ADRA1A: variants seen among roughly 807,000 people sequenced by gnomAD.
The protein encoded by ADRA1A is alpha-1A adrenergic receptor.
ADRA1A carries 31 observed loss-of-function variants against 29.6 expected under a neutral mutation model. That is an observed-to-expected ratio of 1.05 (90% confidence interval 0.79 to 1.41). The LOEUF (loss-of-function observed/expected upper bound fraction) is 1.41. Ranked by LOEUF, ADRA1A falls within the 40% of genes most tolerant of loss-of-function variation. The probability of loss-of-function intolerance (pLI) is 0.00; values close to 1 mark genes in which losing one functional copy is unlikely to be tolerated. For missense variants in ADRA1A, 619 were observed against 601.1 expected, an observed-to-expected ratio of 1.03 and a Z score of -0.31; for synonymous variants, 311 against 254.3, an observed-to-expected ratio of 1.22 and a Z score of -2.12.
chr8:26,820,782 A>T (rs1387475288), intron 2 of ADRA1A, among the ~76,000 whole-genome samples: 17 of 152,196 alleles, frequency 1.1e-4, no homozygotes, highest in Admixed American at 9.2e-4. Context: ...AGTCACATTT[A>T]AAAAAATAGA....
At chr8:26,762,982 C>G (rs138294543), downstream of ADRA1A, among the ~76,000 whole-genome samples, 1 of 152,062 alleles carries the variant, frequency 6.6e-6, no homozygotes, top group East Asian at 1.9e-4. The surrounding 1 kb of genome is among the most constrained non-coding windows in gnomAD (Gnocchi z 4.0). Flanking sequence ...TAGGGGAGGG[C>G]TAAATATGCT....
chr8:26,864,134 C>A lies in ADRA1A; in HGVS notation c.836G>T (p.Gly279Val), dbSNP rs948494007. 1 of 1,614,004 alleles carries A rather than the reference C, an allele frequency of 6.2e-7. No homozygotes were observed. The highest frequency in any genetic ancestry group is 2.2e-5 in the East Asian group (1 of 44,878). ...AGGCAGCCAGCAGAGGACGAAGCAG[C>A]CGACCACGATGCCCAGCGTTTTGGC... ...KAAKTLGIVVGCFVLCWLPFF... is the reference protein window; with the variant it reads ...KAAKTLGIVVVCFVLCWLPFF... Residue 279 changes from glycine to valine, a missense_variant, in exon 2 of 3, where the codon GGC (glycine) becomes GTC (valine). By Grantham distance (109) the Gly-to-Val change is moderately radical (BLOSUM62 -3). Coordinates refer to ENST00000380573, the MANE Select transcript of ADRA1A (RefSeq NM_000680.4). The surrounding 1 kb of genome is among the most constrained non-coding windows in gnomAD (Gnocchi z 8.1).
chr8:26,771,000 T>TTTGCCTAACTGAAAA (rs35151519), intron 2 of ADRA1A, among the ~76,000 whole-genome samples: 2 of 151,920 alleles, frequency 1.3e-5, no homozygotes, highest in East Asian at 3.9e-4. Context: ...TGTAAATTGT[T>TTTGCCTAACTGAAAA]TTGCCTAAAT....
At chr8:26,857,390 G>A (rs945751863) in intron 2 of ADRA1A, among the ~76,000 whole-genome samples, 1 of 152,186 alleles carries the variant, frequency 6.6e-6, no homozygotes, top group Non-Finnish European at 1.5e-5. Context: ...ATTCTAGCCA[G>A]GTGTGGTGAC....
At chr8:26,817,047 C>A (rs1332205883) in intron 2 of ADRA1A, among the ~76,000 whole-genome samples, 3 of 152,080 alleles carry the variant, frequency 2.0e-5, no homozygotes, top group Non-Finnish European at 4.4e-5. Flanking sequence ...TGGGCTTCAT[C>A]AAAATGAAAA....
chr8:26,779,360 T>C (rs1489517648), intron 2 of ADRA1A: 1 of 702,788 alleles, frequency 1.4e-6, no homozygotes, highest in African/African-American at 1.7e-5. Flanking sequence ...ACCCCAGCAC[T>C]GCTGCATGGT....
chr8:26,770,549 T>G lies in ADRA1A; in HGVS notation c.1001A>C (p.Lys334Thr), dbSNP rs1313869976. 1 of 1,614,088 alleles carries G rather than the reference T, an allele frequency of 6.2e-7. No individual in the cohort carries two copies. The highest frequency in any genetic ancestry group is 1.3e-5 in the African/African-American group (1 of 74,942). ...IIYPCSSQEF[K>T]KAFQNVLRIQ... ...TCTCAAGACATTCTGAAAGGCCTTTTTGAACTCTTGGCTGGAGCATGGGTA... is the reference window on the plus strand; with the variant it reads ...TCTCAAGACATTCTGAAAGGCCTTTGTGAACTCTTGGCTGGAGCATGGGTA... The change falls in exon 3 of 3, where the codon AAA (lysine) becomes ACA (threonine). Residue 334 changes from lysine (K) to threonine (T), a missense_variant. Physicochemically the swap from Lys to Thr is moderately conservative, Grantham distance 78. Coordinates refer to ENST00000380573, the MANE Select transcript of ADRA1A (RefSeq NM_000680.4).
intron 2 of ADRA1A, among the ~76,000 whole-genome samples, chr8:26,788,331 T>C (rs1308105846): frequency 4.6e-5 from 7 of 152,238 alleles, no homozygotes; most frequent in Non-Finnish European, 1.0e-4. Flanking sequence ...TGCTGGAATT[T>C]CTTCCATGGA....
At chr8:26,814,767 T>C (rs1809649491) in intron 2 of ADRA1A, among the ~76,000 whole-genome samples, 2 of 152,240 alleles carry the variant, frequency 1.3e-5, no homozygotes. Context: ...GATGGTGGAA[T>C]TTTAGATGAC....
At chr8:26,768,164 C>T (rs1483769515), downstream of ADRA1A, among the ~76,000 whole-genome samples, 3 of 152,128 alleles carry the variant, frequency 2.0e-5, no homozygotes, top group East Asian at 5.8e-4. Context: ...AACATACCCT[C>T]CATTGCAATG....
At chr8:26,847,513 C>A (rs12542523) in intron 2 of ADRA1A, among the ~76,000 whole-genome samples, 8,023 of 152,192 alleles carry the variant, frequency 0.053, 298 homozygotes, top group Admixed American at 0.11. Context: ...TGTCCAAAAC[C>A]TTTTTCATTA....
chr8:26,753,751 A>G (rs2291775), downstream of ADRA1A, among the ~76,000 whole-genome samples: 10,573 of 152,302 alleles, frequency 0.069, 407 homozygotes, highest in Admixed American at 0.077. Context: ...TTTTCTTTGC[A>G]CTACCCACTC....
intron 2 of ADRA1A, among the ~76,000 whole-genome samples, chr8:26,803,518 A>C (rs1808750619): frequency 6.6e-6 from 1 of 152,218 alleles, no homozygotes; most frequent in Non-Finnish European, 1.5e-5. Context: ...GTGATCCTAG[A>C]GTAGTGAAAT....
intron 2 of ADRA1A, among the ~76,000 whole-genome samples, chr8:26,749,756 G>A (rs746356188): frequency 2.6e-5 from 4 of 152,108 alleles, no homozygotes; most frequent in African/African-American, 4.8e-5. Context: ...TCCATGGCCA[G>A]CCCAAATCAA....
chr8:26,751,360 C>G (rs1207667342), intron 2 of ADRA1A, among the ~76,000 whole-genome samples: 1 of 152,122 alleles, frequency 6.6e-6, no homozygotes, highest in Non-Finnish European at 1.5e-5. Flanking sequence ...TTCATAAATT[C>G]TGTTGAAGGC....
chr8:26,864,534 C>A lies in ADRA1A; in HGVS notation c.436G>T (p.Ala146Ser), dbSNP rs560257931. 4 of 1,614,104 alleles carry A rather than the reference C, an allele frequency of 2.5e-6. No individual in the cohort carries two copies. The Admixed American group carries it at 5.0e-5, about 20-fold the overall frequency. ...GAGAGTGCCCAGACGCAGAGCAGAG[C>A]CATGAGACCCCTCCTCTGGGTGACG... ...TIVTQRRGLM[A>S]LLCVWALSLV... The change falls in exon 2 of 3, where the codon GCT (alanine) becomes TCT (serine). Residue 146 changes from alanine (A) to serine (S), a missense_variant. Physicochemically the swap from Ala to Ser is moderately conservative, Grantham distance 99. Transcript: ENST00000380573. The surrounding 1 kb of genome is among the most constrained non-coding windows in gnomAD (Gnocchi z 8.1).
Position 26,769,820 on chromosome 8 carries a change from A to G in ADRA1A, c.*329T>C, listed in dbSNP as rs546842783. 8.6e-6 allele frequency: 9 copies of G among 1,051,762 alleles called. No homozygotes were observed. Among genetic ancestry groups the G allele is most frequent in the Non-Finnish European group, 1.0e-5 (9 of 873,992 alleles). 65.2% of individuals were successfully genotyped at this position (1,051,762 alleles called of 1,614,324 possible). On this transcript the variant is annotated 3_prime_UTR_variant, in exon 3 of 3. Transcript: ENST00000380573. ...TGCTCAAAATATTCATGATGAAATC[A>G]TAATCCTATATTTATAGTCTTTTGG...
chr8:26,864,827 A>T lies in ADRA1A; in HGVS notation c.143T>A (p.Ile48Asn), dbSNP rs61757011. Reference sequence around the variant, plus strand: ...GTGTCGGTGACAGGCTACGGAGAGGATCACTAGGATGTTACCCAGCACCCC... The same window carrying T: ...GTGTCGGTGACAGGCTACGGAGAGGTTCACTAGGATGTTACCCAGCACCCC... The part of the protein sequence containing the change: ...LFGVLGNILV[I>N]LSVACHRHLH... Residue 48 changes from isoleucine (I) to asparagine (N), a missense_variant, in exon 2 of 3, where the codon ATC (isoleucine) becomes AAC (asparagine). Coordinates refer to ENST00000380573, the MANE Select transcript of ADRA1A (RefSeq NM_000680.4). The surrounding 1 kb of genome is among the most constrained non-coding windows in gnomAD (Gnocchi z 8.1). 144 of 1,613,962 alleles carry T rather than the reference A, an allele frequency of 8.9e-5. No homozygotes were observed. Among genetic ancestry groups the T allele is most frequent in the Non-Finnish European group, 1.1e-4 (133 of 1,180,016 alleles).
intron 2 of ADRA1A, among the ~76,000 whole-genome samples, chr8:26,832,858 A>T (rs1356039799): frequency 6.6e-6 from 1 of 152,150 alleles, no homozygotes; most frequent in Non-Finnish European, 1.5e-5. Context: ...GGAAGGCAGC[A>T]TTGCTCTGGA....
Sources: gnomAD v4.1 joint callset for allele counts (sites outside exome capture counted in the v4.1 genomes callset) on GRCh38, gnomAD v4.1.1 for gene constraint, Gnocchi (gnomAD v3.1) non-coding constraint, MANE v1.5 for transcripts, NCBI Gene and HGNC (gene_info 2026-07-23, HGNC 2026-07-21) for gene names.